The following EBF1 variants were observed in gnomAD, a reference collection of about 807,000 sequenced individuals.
EBF1 encodes EBF transcription factor 1.
A neutral mutation model predicts 68.4 loss-of-function variants in EBF1; 10 were observed. The ratio of observed to expected loss-of-function variants is 0.15; its 90% CI spans 0.09 to 0.25. The LOEUF (loss-of-function observed/expected upper bound fraction) is 0.25, where lower values mean the gene tolerates loss of function less well. EBF1 is among the 10% of genes least tolerant of loss of function. The pLI is 1.00. For missense variants in EBF1, 509 were observed against 794.4 expected, an observed-to-expected ratio of 0.64 and a Z score of 4.32; for synonymous variants, 298 against 299.8, an observed-to-expected ratio of 0.99 and a Z score of 0.06.
At chr5:158,967,159 T>C (rs1223947066) in intron 6 of EBF1, among the ~76,000 whole-genome samples, 1 of 152,212 alleles carries the variant, frequency 6.6e-6, no homozygotes, top group Non-Finnish European at 1.5e-5. Context: ...CCCTTCCATT[T>C]AACAAATGCA....
At chr5:158,917,246 G>C (rs780226648) in intron 6 of EBF1, among the ~76,000 whole-genome samples, 1 of 152,200 alleles carries the variant, frequency 6.6e-6, no homozygotes, top group Non-Finnish European at 1.5e-5. Context: ...AATATTGAAA[G>C]CTGTCTTTGA....
At chr5:159,093,471 G>A (rs539162696) in intron 4 of EBF1, among the ~76,000 whole-genome samples, 8 of 151,950 alleles carry the variant, frequency 5.3e-5, no homozygotes, top group East Asian at 1.9e-4. Flanking sequence ...TGCTATTATC[G>A]AAAATAAAAC....
At chr5:158,870,956 C>G (rs2128058988) in intron 6 of EBF1, among the ~76,000 whole-genome samples, 1 of 152,264 alleles carries the variant, frequency 6.6e-6, no homozygotes, top group Middle Eastern at 3.4e-3. Flanking sequence ...TACGAAGCAG[C>G]AAACTTACAA....
At chr5:159,057,559 A>G in intron 6 of EBF1, among the ~76,000 whole-genome samples, 1 of 152,200 alleles carries the variant, frequency 6.6e-6, no homozygotes, top group Middle Eastern at 3.2e-3. Context: ...ACAAGGTGAA[A>G]TGGAGAGCAG....
chr5:158,891,492 C>T (rs775761779), intron 6 of EBF1, among the ~76,000 whole-genome samples: 1 of 152,148 alleles, frequency 6.6e-6, no homozygotes, highest in Non-Finnish European at 1.5e-5. Context: ...CCTTTGGATT[C>T]GAAGTAGACC....
intron 6 of EBF1, among the ~76,000 whole-genome samples, chr5:158,893,065 T>C (rs1035209714): frequency 7.2e-5 from 11 of 152,192 alleles, no homozygotes; most frequent in Non-Finnish European, 1.0e-4. Flanking sequence ...TTACTCACTC[T>C]CTGATTTGGC....
intron 11 of EBF1, among the ~76,000 whole-genome samples, chr5:158,715,144 A>G (rs1034217250): frequency 1.3e-5 from 2 of 152,254 alleles, no homozygotes; most frequent in Admixed American, 6.5e-5. Flanking sequence ...GGGGCTTGTC[A>G]GAGAACCAAA....
At chr5:159,011,316 A>G (rs2127680760) in intron 6 of EBF1, among the ~76,000 whole-genome samples, 1 of 152,284 alleles carries the variant, frequency 6.6e-6, no homozygotes, top group East Asian at 1.9e-4. Flanking sequence ...AAAAAACGGA[A>G]AGGCCAGCTT....
chr5:159,018,543 T>C (rs1045434954), intron 6 of EBF1, among the ~76,000 whole-genome samples: 2 of 152,260 alleles, frequency 1.3e-5, no homozygotes, highest in African/African-American at 2.4e-5. Context: ...TTCTCTTTTT[T>C]AATTTTTTGT....
chr5:158,908,344 G>C (rs1340194501), intron 6 of EBF1, among the ~76,000 whole-genome samples: 1 of 152,158 alleles, frequency 6.6e-6, no homozygotes, highest in African/African-American at 2.4e-5. Flanking sequence ...GTTCACAAAA[G>C]GTATTGCCAC....
At chr5:159,090,530 C>T (rs559247348) in intron 4 of EBF1, among the ~76,000 whole-genome samples, 115 of 152,158 alleles carry the variant, frequency 7.6e-4, no homozygotes, top group Admixed American at 2.4e-3. Context: ...AGGAAAGTTG[C>T]GAAGGAATGA....
At chr5:159,007,792 T>C (rs1451335260) in intron 6 of EBF1, among the ~76,000 whole-genome samples, 1 of 151,946 alleles carries the variant, frequency 6.6e-6, no homozygotes, top group East Asian at 1.9e-4. Context: ...TTTTCAAAAA[T>C]AGGAGTTCAG....
At chr5:158,824,441 G>A (rs1216102292) in intron 7 of EBF1, among the ~76,000 whole-genome samples, 3 of 152,224 alleles carry the variant, frequency 2.0e-5, no homozygotes, top group Non-Finnish European at 4.4e-5. Flanking sequence ...AAAGACAATG[G>A]CAAGAGGGCT....
intron 6 of EBF1, among the ~76,000 whole-genome samples, chr5:159,062,696 C>A (rs72813944): frequency 1.4e-4 from 22 of 152,320 alleles, no homozygotes; most frequent in African/African-American, 5.3e-4. Context: ...AAAAATCAAG[C>A]CTTCTCCCAA....
chr5:158,731,774 C>T (rs1764142215), intron 10 of EBF1, among the ~76,000 whole-genome samples: 2 of 152,124 alleles, frequency 1.3e-5, no homozygotes, highest in Admixed American at 1.3e-4. Context: ...GATCCTTTCA[C>T]CAACATTGAT....
chr5:159,045,566 C>T (rs762998810), intron 6 of EBF1, among the ~76,000 whole-genome samples: 4 of 152,034 alleles, frequency 2.6e-5, no homozygotes, highest in Non-Finnish European at 5.9e-5. Flanking sequence ...GTGAGGGGTG[C>T]TTCCTATTTG....
chr5:159,047,042 G>A (rs569468425), intron 6 of EBF1, among the ~76,000 whole-genome samples: 2 of 152,186 alleles, frequency 1.3e-5, no homozygotes, highest in Non-Finnish European at 2.9e-5. Flanking sequence ...CGTACCGAGT[G>A]TCTGGCACTG....
chr5:158,940,159 A>C (rs1812926520), intron 6 of EBF1, among the ~76,000 whole-genome samples: 1 of 152,194 alleles, frequency 6.6e-6, no homozygotes, highest in Non-Finnish European at 1.5e-5. Flanking sequence ...CTTTGCTAGT[A>C]AGAGAACCAC....
chr5:158,956,335 C>T (rs915612402), intron 6 of EBF1, among the ~76,000 whole-genome samples: 3 of 152,002 alleles, frequency 2.0e-5, no homozygotes, highest in Non-Finnish European at 2.9e-5. Context: ...GAGTAACTTT[C>T]CCTGAAAGGA....
Sources: gnomAD v4.1 joint callset for allele counts (sites outside exome capture counted in the v4.1 genomes callset) on GRCh38, gnomAD v4.1.1 for gene constraint, MANE v1.5 for transcripts, NCBI Gene and HGNC (gene_info 2026-07-23, HGNC 2026-07-21) for gene names.